Variants in LRRC4B observed in about 807,000 individuals in gnomAD.
LRRC4B encodes leucine-rich repeat-containing protein 4B.
LRRC4B carries 1 observed loss-of-function variant against 7.3 expected under a neutral mutation model. The ratio of observed to expected loss-of-function variants is 0.14; its 90% CI spans 0.05 to 0.65. LRRC4B has a LOEUF of 0.65. LRRC4B is among the 30% of genes least tolerant of loss of function. The pLI is 0.84. For synonymous variants in LRRC4B, 500 were observed against 499.2 expected, an observed-to-expected ratio of 1.00 and a Z score of -0.02; for missense variants, 730 against 1,041.6, an observed-to-expected ratio of 0.70 and a Z score of 4.12.
intron 1 of LRRC4B, among the ~76,000 whole-genome samples, chr19:50,565,450 G>C (rs1278193431): frequency 6.6e-6 from 1 of 152,170 alleles, no homozygotes; most frequent in Non-Finnish European, 1.5e-5. Flanking sequence ...GACTGAGTGT[G>C]GGGGCTGCGT....
chr19:50,551,352 C>A (rs933801404), intron 1 of LRRC4B, among the ~76,000 whole-genome samples: 8 of 151,678 alleles, frequency 5.3e-5, no homozygotes, highest in East Asian at 3.9e-4. Flanking sequence ...GCGCCCCCCC[C>A]ACTGGCCTGT....
At chr19:50,541,029 A>T (rs994246020) in intron 2 of LRRC4B, among the ~76,000 whole-genome samples, 2 of 151,682 alleles carry the variant, frequency 1.3e-5, no homozygotes, top group Non-Finnish European at 2.9e-5. Context: ...TAAAAATACA[A>T]AAAAAGTAGC....
Position 50,517,671 on chromosome 19 carries a change from C to G in LRRC4B, c.2042G>C (p.Gly681Ala). The change falls in exon 3 of 3, where the codon GGG becomes GCG. Residue 681 changes from glycine (G) to alanine (A), a missense_variant. Gly to Ala is a moderately conservative substitution (Grantham distance 60). Coordinates refer to ENST00000652263, the MANE Select transcript of LRRC4B (RefSeq NM_001080457.2). The surrounding 1 kb of genome is among the most constrained non-coding windows in gnomAD (Gnocchi z 6.6). ...KAHYSSNPSG[G>A]GCGGKGPPGL... Reference sequence around the variant, plus strand: ...AGGCGGGCCTTTGCCCCCGCAGCCCCCGCCGCTGGGGTTGCTGCTGTAGTG... The same window carrying G: ...AGGCGGGCCTTTGCCCCCGCAGCCCGCGCCGCTGGGGTTGCTGCTGTAGTG... The G allele has an allele frequency of 6.5e-7, 1 of 1,531,202 alleles. No individual in the cohort carries two copies. 94.9% of individuals were successfully genotyped at this position (1,531,202 alleles called of 1,614,324 possible).
rs977556522 is a variant in LRRC4B at position 50,556,994 on chromosome 19, G to A, written c.-35-8121C>T. Among the ~76,000 whole-genome samples the A allele has an allele frequency of 6.6e-6, 1 of 152,196 alleles. No individual in the cohort carries two copies. Among genetic ancestry groups the A allele is most frequent in the Admixed American group, 6.5e-5 (1 of 15,280 alleles). On this transcript the variant is annotated intron_variant, in intron 1 of 2. Coordinates refer to ENST00000652263, the MANE Select transcript of LRRC4B (RefSeq NM_001080457.2). This position sits in a 1 kb window ranked among gnomAD's most constrained non-coding sequence, Gnocchi z 4.2. ...TCTCACAACGGGCTGTGACAACAGA[G>A]GGGCAGGCTCAGCTCTGGTGGGTGA...
At chr19:50,526,924 G>C (rs955898999) in intron 2 of LRRC4B, among the ~76,000 whole-genome samples, 1 of 151,048 alleles carries the variant, frequency 6.6e-6, no homozygotes, top group African/African-American at 2.4e-5. Context: ...CACAATCTTG[G>C]CTTACTACAA....
chr19:50,536,732 C>G (rs1981308779), intron 2 of LRRC4B, among the ~76,000 whole-genome samples: 1 of 152,152 alleles, frequency 6.6e-6, no homozygotes, highest in Non-Finnish European at 1.5e-5. Flanking sequence ...TATCTGTAAG[C>G]CATGGAGAAG....
At chr19:50,526,567 G>A (rs999384608) in intron 2 of LRRC4B, among the ~76,000 whole-genome samples, 22 of 152,240 alleles carry the variant, frequency 1.4e-4, no homozygotes, top group African/African-American at 5.1e-4. Context: ...CGAAGGATAG[G>A]CGCAGTGGCT....
intron 1 of LRRC4B, among the ~76,000 whole-genome samples, chr19:50,560,068 G>C (rs1386056017): frequency 6.6e-6 from 1 of 152,212 alleles, no homozygotes; most frequent in African/African-American, 2.4e-5. Context: ...CTGGGAGGCG[G>C]AGGTTGCAGT....
chr19:50,560,165 A>G (rs1192207271), intron 1 of LRRC4B, among the ~76,000 whole-genome samples: 2 of 152,144 alleles, frequency 1.3e-5, no homozygotes, highest in Non-Finnish European at 2.9e-5. Context: ...AAAAAACTGC[A>G]GATTCTGCAT....
At chr19:50,520,659 A>G (rs1031816389) in intron 2 of LRRC4B, among the ~76,000 whole-genome samples, 5 of 151,836 alleles carry the variant, frequency 3.3e-5, no homozygotes, top group Non-Finnish European at 7.4e-5. Context: ...TTTGGGGGCC[A>G]GGCACAGTGG....
At chr19:50,523,755 C>T (rs2122783359) in intron 2 of LRRC4B, among the ~76,000 whole-genome samples, 1 of 152,082 alleles carries the variant, frequency 6.6e-6, no homozygotes, top group Non-Finnish European at 1.5e-5. Context: ...GTCAGGATTT[C>T]GAGACCAGCT....
chr19:50,548,961 A>G lies in LRRC4B; in HGVS notation c.-35-88T>C, dbSNP rs1164022887. On this transcript the variant is annotated intron_variant, in intron 1 of 2. Coordinates refer to ENST00000652263, the MANE Select transcript of LRRC4B (RefSeq NM_001080457.2). The surrounding 1 kb of genome is among the most constrained non-coding windows in gnomAD (Gnocchi z 6.8). ...TGCTTGCCAACACCCAGGCAGCCCC[A>G]TCGCCGCCTCCCTGCCCCATGCCCA... 3 of 691,104 alleles carry G rather than the reference A, an allele frequency of 4.3e-6. No homozygotes were observed. Among genetic ancestry groups the G allele is most frequent in the Non-Finnish European group, 7.1e-6 (3 of 424,172 alleles). The allele number at this position is 691,104 out of a possible 1,614,324, so 42.8% of individuals were successfully genotyped here.
intron 2 of LRRC4B, among the ~76,000 whole-genome samples, chr19:50,524,555 A>G (rs1392986981): frequency 1.3e-5 from 2 of 152,134 alleles, no homozygotes; most frequent in Admixed American, 1.3e-4. Flanking sequence ...CACCCAGCCC[A>G]CATGTGTAAT....
chr19:50,529,002 G>A (rs1024332127), intron 2 of LRRC4B, among the ~76,000 whole-genome samples: 3 of 152,132 alleles, frequency 2.0e-5, no homozygotes, highest in Non-Finnish European at 4.4e-5. Context: ...GGAGAAGCAG[G>A]GGCTTGAGAA....
At chr19:50,533,047 G>A (rs1231602173) in intron 2 of LRRC4B, among the ~76,000 whole-genome samples, 1 of 152,044 alleles carries the variant, frequency 6.6e-6, no homozygotes, top group Non-Finnish European at 1.5e-5. Flanking sequence ...CACCTTTCTT[G>A]TGTTTGTCAT....
In LRRC4B at chr19:50,518,279, T is replaced by G. The variant is rs778691183; in HGVS notation, c.1434A>C (p.Gly478=). 37 of 1,598,498 alleles carry G rather than the reference T, an allele frequency of 2.3e-5. No individual in the cohort carries two copies. Among genetic ancestry groups the G allele is most frequent in the Non-Finnish European group, 3.0e-5 (35 of 1,173,260 alleles). ...AGTAGGTGTAGCCGCCACTGCCCCC[T>G]CCAACACCACCACTGCCCCCAGGGC... ...GGGPGGSGGV[G]GGSGGYTYFT... The change falls in exon 3 of 3, where the codon GGA becomes GGC. Residue 478 remains glycine, a synonymous_variant. Coordinates refer to ENST00000652263, the MANE Select transcript of LRRC4B (RefSeq NM_001080457.2).
chr19:50,544,440 G>A (rs1396684548), intron 2 of LRRC4B, among the ~76,000 whole-genome samples: 1 of 151,714 alleles, frequency 6.6e-6, no homozygotes, highest in Admixed American at 6.6e-5. Flanking sequence ...CCGGGAGGCG[G>A]AGCTTGCAGT....
chr19:50,517,305 A>C lies in LRRC4B; in HGVS notation c.*266T>G. On this transcript the variant is annotated 3_prime_UTR_variant, in exon 3 of 3. Transcript: ENST00000652263. This position sits in a 1 kb window ranked among gnomAD's most constrained non-coding sequence, Gnocchi z 6.6. Reference sequence around the variant, plus strand: ...GGAGGAAACGCGGAGAACTCAGGCCACTTCTCCTGGGTCCCACGTCCCCTC... The same window carrying C: ...GGAGGAAACGCGGAGAACTCAGGCCCCTTCTCCTGGGTCCCACGTCCCCTC... 2 of 315,194 alleles carry C rather than the reference A, an allele frequency of 6.3e-6. No homozygotes were observed. The highest frequency in any genetic ancestry group is 1.2e-5 in the Non-Finnish European group (2 of 172,012). 19.5% of individuals were successfully genotyped at this position (315,194 alleles called of 1,614,324 possible). A position where few individuals can be genotyped will look rare whatever the true frequency, so the allele number is the denominator to read the frequency against.
At chr19:50,552,628 T>TCCGTC (rs879523352) in intron 1 of LRRC4B, among the ~76,000 whole-genome samples, 9,487 of 66,664 alleles carry the variant, frequency 0.14, 597 homozygotes, top group Middle Eastern at 0.24. Context: ...ATCCATCCAT[T>TCCGTC]CATCCATCCG....
Sources: gnomAD v4.1 joint callset for allele counts (sites outside exome capture counted in the v4.1 genomes callset) on GRCh38, gnomAD v4.1.1 for gene constraint, Gnocchi (gnomAD v3.1) non-coding constraint, MANE v1.5 for transcripts, NCBI Gene and HGNC (gene_info 2026-07-23, HGNC 2026-07-21) for gene names.